Variants in VPS13B observed in about 807,000 individuals in gnomAD.
VPS13B encodes intermembrane lipid transfer protein VPS13B.
In VPS13B, 285 loss-of-function variants were observed where a neutral mutation model predicts 426.4. That is an observed-to-expected ratio of 0.67 (90% CI 0.61 to 0.74). VPS13B has a LOEUF of 0.74. VPS13B is among the 30% of genes least tolerant of loss of function. The pLI, the probability that VPS13B is intolerant of heterozygous loss-of-function variation, is 0.00. For synonymous variants in VPS13B, 1,676 were observed against 1,676.4 expected (o/e 1.00, Z 0.01); for missense variants, 4,537 against 4,782.6 (o/e 0.95, Z 1.51).
chr8:99,151,414 G>A (rs1357485345), intron 14 of VPS13B, among the ~76,000 whole-genome samples: 1 of 152,070 alleles, frequency 6.6e-6, no homozygotes, highest in Non-Finnish European at 1.5e-5. Flanking sequence ...TATAGATTGT[G>A]CCTTTTGTGT....
Position 99,391,633 on chromosome 8 carries a change from C to A in VPS13B, c.3011C>A (p.Pro1004His), listed in dbSNP as rs781433210. ...GATGAGGTGTCTATTGGAAGTGCCC[C>A]CTTGGCAAAGCAGCAATCATATCAG... is the stretch of plus-strand genomic sequence containing the variant. ...KEDEVSIGSAPLAKQQSYQAS... is the reference protein window; with the variant it reads ...KEDEVSIGSAHLAKQQSYQAS... The change falls in exon 21 of 62, where the codon CCC becomes CAC. Residue 1004 changes from proline (P) to histidine (H), a missense_variant. Physicochemically the swap from Pro to His is moderately conservative, Grantham distance 77 (BLOSUM62 -2). Coordinates refer to ENST00000357162, the MANE Select transcript of VPS13B (RefSeq NM_152564.5). 3 of 1,614,060 alleles carry A rather than the reference C, an allele frequency of 1.9e-6. No homozygotes were observed. Among genetic ancestry groups the A allele is most frequent in the Non-Finnish European group, 2.5e-6 (3 of 1,179,950 alleles).
chr8:99,670,355 T>C (rs1394366224), intron 35 of VPS13B, among the ~76,000 whole-genome samples: 1 of 152,104 alleles, frequency 6.6e-6, no homozygotes, highest in Non-Finnish European at 1.5e-5. Flanking sequence ...TGAGGTATAA[T>C]TGACAAAAAT....
intron 43 of VPS13B, among the ~76,000 whole-genome samples, chr8:99,786,722 ATCT>A (rs1435782214): frequency 1.3e-5 from 2 of 152,190 alleles, no homozygotes; most frequent in Admixed American, 1.3e-4. Context: ...AGTCATTATA[ATCT>A]TCTTAAGACT....
intron 37 of VPS13B, 117 bp from the exon 38 acceptor site, chr8:99,720,228 A>G (rs887429361): frequency 3.6e-6 from 3 of 829,634 alleles, no homozygotes; most frequent in African/African-American, 3.4e-5. Context: ...TATAGTTTAT[A>G]AGTAATTAAA....
intron 16 of VPS13B, among the ~76,000 whole-genome samples, chr8:99,183,694 A>G (rs529530225): frequency 1.3e-5 from 2 of 152,218 alleles, no homozygotes; most frequent in African/African-American, 4.8e-5. Context: ...ATTTTTTCAT[A>G]AATGTAGTAT....
intron 3 of VPS13B, among the ~76,000 whole-genome samples, chr8:99,044,575 G>A (rs1486461769): frequency 6.6e-6 from 1 of 151,784 alleles, no homozygotes; most frequent in Non-Finnish European, 1.5e-5. Flanking sequence ...GTGGTAATTC[G>A]TTAGATTTTG....
intron 25 of VPS13B, 111 bp from the exon 26 acceptor site, chr8:99,501,576 T>A: frequency 9.4e-7 from 1 of 1,058,430 alleles, no homozygotes; most frequent in South Asian, 1.5e-5. Context: ...CATTTGCATG[T>A]AAGATGTGAA....
At chr8:99,835,106 A>G (rs1375379068) in intron 52 of VPS13B, 91 bp from the exon 53 acceptor site, 3 of 1,546,434 alleles carry the variant, frequency 1.9e-6, no homozygotes, top group Non-Finnish European at 2.7e-6. Flanking sequence ...CGAGTTCTGA[A>G]TGTTGCAAAT....
chr8:99,184,854 A>C (rs534240292), intron 16 of VPS13B, among the ~76,000 whole-genome samples: 7 of 152,198 alleles, frequency 4.6e-5, no homozygotes, highest in Admixed American at 3.3e-4. Context: ...AGCCAGGTGC[A>C]GTGGCACGCT....
rs572388854 is a variant in VPS13B, at chr8:99,147,213, G to A, written c.1844-628G>A. On this transcript the variant is annotated intron_variant, in intron 13 of 61. Transcript: ENST00000357162. ...TGCAACCTCTGTCTCCCGGGTTCAA[G>A]AGATTCTCCTGCTTCAGCCTCCCGA... Among the ~76,000 whole-genome samples the A allele has an allele frequency of 5.9e-5, 9 of 152,274 alleles. No individual in the cohort carries two copies. In the East Asian group the frequency reaches 1.7e-3, roughly 29 times the overall value.
intron 39 of VPS13B, among the ~76,000 whole-genome samples, chr8:99,738,475 T>C (rs976750433): frequency 1.3e-5 from 2 of 152,228 alleles, no homozygotes; most frequent in African/African-American, 4.8e-5. Context: ...TTTTTCTCTT[T>C]CTTAAAACAT....
intron 27 of VPS13B, among the ~76,000 whole-genome samples, chr8:99,505,071 T>G (rs1237285419): frequency 1.3e-5 from 2 of 152,156 alleles, no homozygotes; most frequent in African/African-American, 4.8e-5. Context: ...AGCTTCAAAC[T>G]TAACTTCTGC....
chr8:99,455,839 A>G (rs1479310105), intron 23 of VPS13B, among the ~76,000 whole-genome samples: 1 of 152,124 alleles, frequency 6.6e-6, no homozygotes, highest in Non-Finnish European at 1.5e-5. Flanking sequence ...CCATTGTATG[A>G]TTATGCTACA....
chr8:99,064,666 C>G (rs1032383837), intron 3 of VPS13B, among the ~76,000 whole-genome samples: 1 of 152,132 alleles, frequency 6.6e-6, no homozygotes, highest in Non-Finnish European at 1.5e-5. Context: ...AGAATGGAAC[C>G]AAGTTGGAAA....
At chr8:99,768,371 T>C (rs1400313298) in intron 40 of VPS13B, among the ~76,000 whole-genome samples, 2 of 152,352 alleles carry the variant, frequency 1.3e-5, no homozygotes, top group East Asian at 1.9e-4. Flanking sequence ...TTTTTGCCCA[T>C]ATGTGTACAC....
At chr8:99,576,292 A>T (rs879052526) in intron 32 of VPS13B, among the ~76,000 whole-genome samples, 2 of 152,194 alleles carry the variant, frequency 1.3e-5, no homozygotes, top group South Asian at 4.1e-4. Context: ...AATTATTTGC[A>T]AGTTTTCACA....
intron 43 of VPS13B, among the ~76,000 whole-genome samples, chr8:99,806,166 A>G (rs1196058465): frequency 1.3e-5 from 2 of 152,202 alleles, no homozygotes; most frequent in East Asian, 1.9e-4. Flanking sequence ...ATTCCTGCAT[A>G]AAGTGCAAAT....
intron 19 of VPS13B, among the ~76,000 whole-genome samples, chr8:99,334,978 A>G (rs530387883): frequency 6.6e-6 from 1 of 152,194 alleles, no homozygotes; most frequent in East Asian, 1.9e-4. Flanking sequence ...CTGTAAATCC[A>G]TCTGGTCCTG....
At chr8:99,068,936 T>A (rs557918893) in intron 3 of VPS13B, among the ~76,000 whole-genome samples, 1 of 152,318 alleles carries the variant, frequency 6.6e-6, no homozygotes, top group South Asian at 2.1e-4. Context: ...CTAAAATATT[T>A]ATTGTCTGGC....
Sources: allele counts gnomAD v4.1 joint callset (sites outside exome capture counted in the v4.1 genomes callset), GRCh38; gene constraint gnomAD v4.1.1; transcripts MANE v1.5; gene names NCBI Gene and HGNC (gene_info 2026-07-23, HGNC 2026-07-21).